CPLANE1: variants seen among roughly 807,000 people sequenced by gnomAD.
CPLANE1 encodes ciliogenesis and planar polarity effector complex subunit 1, also known as ciliogenesis and planar polarity effector 1.
CPLANE1 carries 263 observed loss-of-function variants against 362.5 expected under a neutral mutation model. That is an observed-to-expected ratio of 0.73 (90% CI 0.66 to 0.80). The LOEUF (loss-of-function observed/expected upper bound fraction) is 0.80, where lower values mean the gene tolerates loss of function less well. Ranked by LOEUF, CPLANE1 falls within the 30% of genes least tolerant of loss-of-function variation. The pLI is 0.00. For missense variants in CPLANE1, 3,461 were observed against 3,793.4 expected (o/e 0.91, Z 2.30); for synonymous variants, 1,212 against 1,302.6 (o/e 0.93, Z 1.50).
Position 37,107,295 on chromosome 5 carries a change from T to A in CPLANE1, c.*307A>T. 9.2e-7 allele frequency: 1 copy of A among 1,085,310 alleles called. No individual in the cohort carries two copies. Among genetic ancestry groups the A allele is most frequent in the Non-Finnish European group, 1.1e-6 (1 of 895,888 alleles). 67.2% of individuals were successfully genotyped at this position (1,085,310 alleles called of 1,614,324 possible). On this transcript the variant is annotated 3_prime_UTR_variant, in exon 53 of 53. Coordinates refer to ENST00000651892, the MANE Select transcript of CPLANE1 (RefSeq NM_001384732.1). ...TAAAGGAGGAGGCAAGATAGAGGGT[T>A]TTTATTGAAAGTAGGTTATGCAAAC...
intron 2 of CPLANE1, chr5:37,246,475 C>G (rs534215996): frequency 2.4e-4 from 36 of 152,210 alleles, no homozygotes; most frequent in Admixed American, 1.5e-3. Flanking sequence ...ACCACTGAAC[C>G]TGACTCTCAT....
rs1045309730 is a variant in CPLANE1 at position 37,244,405 on chromosome 5, A to G, written c.540T>C (p.Ala180=). ...VLLPSTEDKE[A]VVNAVFIKNE... ...TTTTTATAAAAACAGCATTCACTACAGCTTCTTTATCTTCGGTGGAAGGCA... is the reference window on the plus strand; with the variant it reads ...TTTTTATAAAAACAGCATTCACTACGGCTTCTTTATCTTCGGTGGAAGGCA... The change falls in exon 5 of 53, where the codon GCT becomes GCC. Residue 180 remains alanine (A), a synonymous_variant. Coordinates refer to ENST00000651892, the MANE Select transcript of CPLANE1 (RefSeq NM_001384732.1). 1 of 1,550,376 alleles carries G rather than the reference A, an allele frequency of 6.5e-7. No individual in the cohort carries two copies. The highest frequency in any genetic ancestry group is 1.4e-5 in the African/African-American group (1 of 72,860).
chr5:37,214,295 C>T (rs943130928), intron 15 of CPLANE1, among the ~76,000 whole-genome samples: 4 of 152,014 alleles, frequency 2.6e-5, no homozygotes, highest in African/African-American at 7.2e-5. Context: ...TGAAATCCCA[C>T]CTCTACAGAA....
intron 16 of CPLANE1, chr5:37,210,639 A>G (rs1792325677): frequency 6.3e-7 from 1 of 1,597,020 alleles, no homozygotes; most frequent in African/African-American, 1.3e-5. Flanking sequence ...ACAAAACCAT[A>G]TGCTGAATGA....
chr5:37,126,231 T>A (rs956357123), intron 46 of CPLANE1, among the ~76,000 whole-genome samples: 6 of 152,034 alleles, frequency 3.9e-5, no homozygotes, highest in Non-Finnish European at 5.9e-5. Flanking sequence ...AGAGGGAGAC[T>A]GTCTCAAAAA....
intron 16 of CPLANE1, 148 bp downstream of exon 16, chr5:37,213,411 A>G (rs1793176751): frequency 4.1e-6 from 2 of 486,866 alleles, no homozygotes; most frequent in Admixed American, 8.8e-5. Flanking sequence ...CTCAGATTCT[A>G]TTCATTCATA....
chr5:37,095,371 C>T, the CPLANE1 span, among the ~76,000 whole-genome samples: 1 of 152,078 alleles, frequency 6.6e-6, no homozygotes, highest in East Asian at 1.9e-4. Context: ...AAGCATTCGA[C>T]AAAACCCAGC....
chr5:37,138,449 G>A lies in CPLANE1; in HGVS notation c.8792+271C>T. ...TTAATTTTTGGGTAAAGTGCTATGA[G>A]CTAATCATTAATTACTTCTAGTAAG... On this transcript the variant is annotated intron_variant, in intron 46 of 52. Transcript: ENST00000651892. The A allele has an allele frequency of 1.6e-5, 9 of 548,566 alleles. 1 individual carries two copies. The highest frequency in any genetic ancestry group is 1.1e-4 in the South Asian group (7 of 65,220). 34.0% of individuals were successfully genotyped at this position (548,566 alleles called of 1,614,324 possible). A position where few individuals can be genotyped will look rare whatever the true frequency, so the allele number is the denominator to read the frequency against.
intron 24 of CPLANE1, 138 bp from the exon 25 acceptor site, chr5:37,185,217 G>GT: frequency 1.4e-6 from 1 of 695,420 alleles, no homozygotes. Flanking sequence ...CTTACTGGTC[G>GT]TGTTTTCTTC....
intron 46 of CPLANE1, among the ~76,000 whole-genome samples, chr5:37,125,661 C>A (rs1394120289): frequency 6.6e-6 from 1 of 152,188 alleles, no homozygotes; most frequent in African/African-American, 2.4e-5. Context: ...CTCTATCTTA[C>A]CTGAGTCTTT....
chr5:37,162,021 T>G (rs1016391553), intron 38 of CPLANE1, among the ~76,000 whole-genome samples: 3 of 152,150 alleles, frequency 2.0e-5, no homozygotes, highest in African/African-American at 7.2e-5. Flanking sequence ...AAGAGGAAAT[T>G]TGTCAGGAAA....
At chr5:37,246,123 A>G (rs1739541826) in intron 2 of CPLANE1, 1 of 208,890 alleles carries the variant, frequency 4.8e-6, no homozygotes, top group Non-Finnish European at 9.3e-6. Flanking sequence ...TAATTCTGCT[A>G]GCCAAAACTG....
chr5:37,120,335 T>C lies in CPLANE1; in HGVS notation c.9191A>G (p.Asn3064Ser). ...CQHCPSPRGE[N>S]QHGHSFLINR... Reference sequence around the variant, plus strand: ...TATTAGAAAACTGTGACCATGTTGATTCTCTCTATAGTAGAAATCACATAA... The same window carrying C: ...TATTAGAAAACTGTGACCATGTTGACTCTCTCTATAGTAGAAATCACATAA... Residue 3064 changes from asparagine (N) to serine (S), a missense_variant, in exon 50 of 53, where the codon AAT becomes AGT. By Grantham distance (46) the Asn-to-Ser change is conservative. Coordinates refer to ENST00000651892, the MANE Select transcript of CPLANE1 (RefSeq NM_001384732.1). The C allele has an allele frequency of 6.3e-7, 1 of 1,581,390 alleles. No homozygotes were observed. Among genetic ancestry groups the C allele is most frequent in the East Asian group, 2.3e-5 (1 of 43,914 alleles).
Position 37,226,734 on chromosome 5 carries a change from G to T in CPLANE1, c.1861C>A (p.Leu621Ile), listed in dbSNP as rs762248689. ...FIKCPFPKLD[L>I]VLSKSSRHNA... ...TGTCTTGAGCTTTTGCTTAAAACAAGATCAAGTTTAGGAAAAGGACATTTT... is the reference window on the plus strand; with the variant it reads ...TGTCTTGAGCTTTTGCTTAAAACAATATCAAGTTTAGGAAAAGGACATTTT... Residue 621 changes from leucine (L) to isoleucine (I), a missense_variant, in exon 12 of 53, where the codon CTT (leucine) becomes ATT (isoleucine). By Grantham distance (5) the Leu-to-Ile change is conservative. Transcript: ENST00000651892. 2 of 1,544,430 alleles carry T rather than the reference G, an allele frequency of 1.3e-6. No individual in the cohort carries two copies. Among genetic ancestry groups the T allele is most frequent in the Non-Finnish European group, 1.7e-6 (2 of 1,143,908 alleles).
intron 21 of CPLANE1, 41 bp downstream of exon 21, chr5:37,195,817 C>A: frequency 1.3e-6 from 2 of 1,565,040 alleles, no homozygotes; most frequent in Non-Finnish European, 1.7e-6. Flanking sequence ...AAAAATATAC[C>A]ATCATTCATA....
chr5:37,179,284 A>C, intron 29 of CPLANE1, 77 bp downstream of exon 29: 1 of 941,924 alleles, frequency 1.1e-6, no homozygotes, highest in Non-Finnish European at 1.6e-6. Flanking sequence ...TTTAATAACA[A>C]TGAATAAAAA....
the CPLANE1 span, among the ~76,000 whole-genome samples, chr5:37,098,923 CAAAAAAAAAAAAA>C: frequency 1.9e-5 from 1 of 52,076 alleles, no homozygotes; most frequent in African/African-American, 7.1e-5. Context: ...ATGCCTACAT[CAAAAAAAAAAAAA>C]AAAAAAAAGA....
chr5:37,169,996 T>C, intron 33 of CPLANE1, 45 bp downstream of exon 33: 1 of 1,574,610 alleles, frequency 6.4e-7, no homozygotes, highest in Non-Finnish European at 8.7e-7. Context: ...ATTACAGACA[T>C]GAGCCACCGC....
At chr5:37,188,275 T>G (rs971009902) in intron 21 of CPLANE1, among the ~76,000 whole-genome samples, 1 of 152,220 alleles carries the variant, frequency 6.6e-6, no homozygotes, top group Non-Finnish European at 1.5e-5. Flanking sequence ...AGGATTTAAC[T>G]ATACACAATG....
Sources: allele counts gnomAD v4.1 joint callset (sites outside exome capture counted in the v4.1 genomes callset), GRCh38; gene constraint gnomAD v4.1.1; transcripts MANE v1.5; gene names NCBI Gene and HGNC (gene_info 2026-07-23, HGNC 2026-07-21).